Variants in PTK7 observed in about 807,000 individuals in gnomAD.
PTK7 encodes the protein inactive tyrosine-protein kinase 7.
Under a neutral mutation model 116.6 loss-of-function variants are expected in PTK7, and 39 were observed. That is an observed-to-expected ratio of 0.33 (90% CI 0.26 to 0.44). The LOEUF is 0.44. Among genes scored for constraint, PTK7 ranks in the 20% least tolerant of loss-of-function variants. The probability of loss-of-function intolerance (pLI) is 1.00; values close to 1 mark genes in which losing one functional copy is unlikely to be tolerated. For synonymous variants in PTK7, 546 were observed against 563.6 expected, an observed-to-expected ratio of 0.97 and a Z score of 0.44; for missense variants, 1,169 against 1,425.6, an observed-to-expected ratio of 0.82 and a Z score of 2.90.
At chr6:43,116,532 AC>A (rs1299429293) in intron 1 of PTK7, among the ~76,000 whole-genome samples, 3 of 151,922 alleles carry the variant, frequency 2.0e-5, no homozygotes, top group Non-Finnish European at 4.4e-5. Context: ...TCCCTTTGAA[AC>A]CAGCCGAGGT....
intron 16 of PTK7, among the ~76,000 whole-genome samples, chr6:43,146,397 T>C (rs1398850873): frequency 6.6e-6 from 1 of 151,966 alleles, no homozygotes; most frequent in African/African-American, 2.4e-5. Flanking sequence ...GAAATGCCAA[T>C]TCTCCTCCTT....
At chr6:43,090,377 G>A (rs1199448607) in intron 1 of PTK7, among the ~76,000 whole-genome samples, 2 of 152,212 alleles carry the variant, frequency 1.3e-5, no homozygotes, top group Non-Finnish European at 2.9e-5. Flanking sequence ...TTTAGGGGTG[G>A]ACTTAGGTTT....
chr6:43,131,649 C>G, intron 5 of PTK7: 1 of 318,472 alleles, frequency 3.1e-6, no homozygotes, highest in Non-Finnish European at 6.0e-6. Flanking sequence ...GACTTGCCCC[C>G]ATGATTCAGT....
At chr6:43,080,081 A>G (rs934850996) in intron 1 of PTK7, among the ~76,000 whole-genome samples, 2 of 149,570 alleles carry the variant, frequency 1.3e-5, no homozygotes, top group Non-Finnish European at 3.0e-5. Flanking sequence ...GGCAGGATGC[A>G]GTGGCTCACG....
intron 1 of PTK7, among the ~76,000 whole-genome samples, chr6:43,084,317 A>G (rs1766538169): frequency 6.6e-6 from 1 of 152,028 alleles, no homozygotes; most frequent in Admixed American, 6.6e-5. Context: ...TTTATTTTTT[A>G]TTTTTAATAG....
chr6:43,156,612 A>T (rs1200884236), intron 17 of PTK7, among the ~76,000 whole-genome samples: 1 of 152,034 alleles, frequency 6.6e-6, no homozygotes, highest in African/African-American at 2.4e-5. Context: ...CTATCTCAAA[A>T]AATAAAGGCC....
In PTK7 at chr6:43,159,796, A is replaced by T. The variant is rs1431480924; in HGVS notation, c.2882A>T (p.Tyr961Phe). The T allele has an allele frequency of 1.2e-6, 2 of 1,614,104 alleles. No homozygotes were observed. The highest frequency in any genetic ancestry group is 2.2e-5 in the South Asian group (2 of 91,082). Residue 961 changes from tyrosine (Y) to phenylalanine (F), a missense_variant, in exon 19 of 20, where the codon TAC (tyrosine) becomes TTC (phenylalanine). By Grantham distance (22) the Tyr-to-Phe change is conservative. This residue lies in a region of PTK7 where 678 missense variants were observed against 853.8 expected (regional missense o/e 0.79). Coordinates refer to ENST00000230419, the MANE Select transcript of PTK7 (RefSeq NM_002821.5). ...LSKDVYNSEY[Y>F]HFRQAWVPLR... ...TTGCTTCTCTCCTGCAGTGAGTACT[A>T]CCACTTCCGCCAGGCCTGGGTGCCG...
intron 17 of PTK7, among the ~76,000 whole-genome samples, chr6:43,157,345 TATATATATATATATATA>T (rs1166186882): frequency 0.29 from 8,878 of 31,036 alleles, 1,689 homozygotes; most frequent in Admixed American, 0.35. Flanking sequence ...TATATATATA[TATATATATATATATATA>T]TATTTTTTTT....
At chr6:43,098,574 T>G (rs1767382017) in intron 1 of PTK7, among the ~76,000 whole-genome samples, 1 of 152,090 alleles carries the variant, frequency 6.6e-6, no homozygotes, top group Non-Finnish European at 1.5e-5. Flanking sequence ...TAGGCTGGTC[T>G]CGAACTCCTG....
rs535601888 is a variant in PTK7 at position 43,092,584 on chromosome 6, T to C, written c.79+16017T>C. ...GTCATAGAACATATCCCCCCCAGGATTGGGGGGACTACTGTATATAACATT... is the reference window on the plus strand; with the variant it reads ...GTCATAGAACATATCCCCCCCAGGACTGGGGGGACTACTGTATATAACATT... On this transcript the variant is annotated intron_variant, in intron 1 of 19. Transcript: ENST00000230419. Among the ~76,000 whole-genome samples, 139 of 152,208 alleles carry C rather than the reference T, an allele frequency of 9.1e-4. 1 individual carries two copies. The highest frequency in any genetic ancestry group is 2.0e-3 in the African/African-American group (84 of 41,554).
chr6:43,123,485 G>T (rs1002765886), intron 1 of PTK7, among the ~76,000 whole-genome samples: 2 of 151,822 alleles, frequency 1.3e-5, no homozygotes, highest in African/African-American at 4.8e-5. Context: ...CCTGCTCTCT[G>T]TAACAATTGT....
intron 7 of PTK7, chr6:43,132,990 G>A: frequency 2.0e-6 from 1 of 505,328 alleles, no homozygotes; most frequent in South Asian, 4.0e-5. Context: ...AATGCACAGA[G>A]TGACGATGGT....
At chr6:43,127,115 G>A (rs1479203133) in intron 1 of PTK7, among the ~76,000 whole-genome samples, 1 of 152,218 alleles carries the variant, frequency 6.6e-6, no homozygotes, top group East Asian at 1.9e-4. Flanking sequence ...GACTTGGAAG[G>A]GGCTCTGTAG....
At chr6:43,151,210 T>C (rs1341881598) in intron 17 of PTK7, among the ~76,000 whole-genome samples, 3 of 115,886 alleles carry the variant, frequency 2.6e-5, no homozygotes, top group Non-Finnish European at 3.6e-5. Context: ...CCACCTGCCT[T>C]CTTTTTTTTT....
Position 43,076,701 on chromosome 6 carries a change from G to A in PTK7, c.79+134G>A, listed in dbSNP as rs527796231. 2.0e-5 allele frequency: 27 copies of A among 1,383,024 alleles called. 1 individual carries two copies. The African/African-American group carries it at 3.9e-4, about 20-fold the overall frequency. 85.7% of individuals were successfully genotyped at this position (1,383,024 alleles called of 1,614,324 possible). The stretch of plus-strand genomic sequence containing the variant: ...AGTGGAGAGGCTCGCTGGGGGTGCA[G>A]GCTTGCGGCGGAAGGGCGCAAGGAG... On this transcript the variant is annotated intron_variant, in intron 1 of 19. Coordinates refer to ENST00000230419, the MANE Select transcript of PTK7 (RefSeq NM_002821.5). The surrounding 1 kb of genome is among the most constrained non-coding windows in gnomAD (Gnocchi z 5.7).
At chr6:43,134,107 T>C (rs1769878036) in intron 7 of PTK7, among the ~76,000 whole-genome samples, 1 of 152,178 alleles carries the variant, frequency 6.6e-6, no homozygotes, top group Admixed American at 6.5e-5. Context: ...GGTGTGATCT[T>C]GGCTCACTGC....
chr6:43,091,602 G>A lies in PTK7; in HGVS notation c.79+15035G>A, dbSNP rs1007151790. On this transcript the variant is annotated intron_variant, in intron 1 of 19. Transcript: ENST00000230419. ...CACATTTGCACATCTTTGAAATTGG[G>A]ATGTAACTTATAATTAATTACGGTA... is the stretch of plus-strand genomic sequence containing the variant. 5.3e-5 allele frequency among the ~76,000 whole-genome samples: 8 copies of A among 152,280 alleles called. No individual in the cohort carries two copies. The East Asian group carries it at 1.5e-3, about 29-fold the overall frequency.
At chr6:43,144,703 C>G (rs1770626018) in intron 15 of PTK7, 97 bp downstream of exon 15, 10 of 1,429,428 alleles carry the variant, frequency 7.0e-6, no homozygotes, top group East Asian at 2.3e-5. Context: ...TCCCTGAAAC[C>G]TAGAATGTTA....
At position 43,142,168 on chromosome 6, in the gene PTK7, A is replaced by G. The variant is rs1318762092; in HGVS notation, c.1920-4A>G. On this transcript the variant is annotated splice_region_variant and splice_polypyrimidine_tract_variant and intron_variant, in intron 12 of 19. Transcript: ENST00000230419. ...GGCCAGCACTATGGCTTCTCCCCCG[A>G]CAGGATGCACATCTTCCAGAATGGC... The G allele has an allele frequency of 1.9e-6, 3 of 1,613,504 alleles. No homozygotes were observed. In the Admixed American group the frequency reaches 5.0e-5, roughly 27 times the overall value.
Sources: gnomAD v4.1 joint callset for allele counts (sites outside exome capture counted in the v4.1 genomes callset) on GRCh38, gnomAD v4.1.1 for gene constraint, gnomAD v4.1.1 regional missense constraint, Gnocchi (gnomAD v3.1) non-coding constraint, MANE v1.5 for transcripts, NCBI Gene and HGNC (gene_info 2026-07-23, HGNC 2026-07-21) for gene names.